The following FANCD2OS variants were observed in gnomAD, a reference collection of about 807,000 sequenced individuals.
FANCD2OS encodes FANCD2 opposite strand protein.
Under a neutral mutation model 13.2 loss-of-function variants are expected in FANCD2OS, and 11 were observed. The observed-to-expected ratio is 0.83, with a 90% CI of 0.52 to 1.38. FANCD2OS has a LOEUF of 1.38. FANCD2OS is among the 40% of genes most tolerant of loss of function. The pLI is 0.00. For missense variants in FANCD2OS, 217 were observed against 213.9 expected (o/e 1.01, Z -0.09); for synonymous variants, 69 against 84.5 (o/e 0.82, Z 1.01).
chr3:10,093,866 C>T (rs1694798726), intron 2 of FANCD2OS, among the ~76,000 whole-genome samples: 1 of 152,314 alleles, frequency 6.6e-6, no homozygotes, highest in East Asian at 1.9e-4. Flanking sequence ...CTTTTTACTC[C>T]ACCCTTGCGC....
chr3:10,105,775 T>TAC (rs1695474132), intron 1 of FANCD2OS, among the ~76,000 whole-genome samples: 1 of 10,258 alleles, frequency 9.7e-5, no homozygotes, highest in Non-Finnish European at 1.6e-4. Context: ...AAAAAAATTA[T>TAC]ATATATATAT....
chr3:10,107,487 C>T (rs1006092424), intron 1 of FANCD2OS, among the ~76,000 whole-genome samples: 2 of 151,954 alleles, frequency 1.3e-5, no homozygotes, highest in Non-Finnish European at 2.9e-5. Context: ...AGGGTTTCAC[C>T]GTGTTAGCCA....
chr3:10,086,153 C>G (rs544539806), intron 2 of FANCD2OS, among the ~76,000 whole-genome samples: 1 of 152,342 alleles, frequency 6.6e-6, no homozygotes, highest in African/African-American at 2.4e-5. Context: ...CCCATAAACT[C>G]AGCCTTTTCA....
intron 2 of FANCD2OS, among the ~76,000 whole-genome samples, chr3:10,084,104 C>T (rs893616235): frequency 1.3e-5 from 2 of 151,544 alleles, no homozygotes; most frequent in African/African-American, 2.4e-5. Context: ...AGCGATTCTT[C>T]TGCCTCAGCC....
downstream of FANCD2OS, among the ~76,000 whole-genome samples, chr3:10,103,383 CAA>C (rs1208563629): frequency 1.3e-5 from 2 of 152,080 alleles, no homozygotes; most frequent in Non-Finnish European, 2.9e-5. Context: ...GCCTGGGCAA[CAA>C]GAGCAAAACT....
rs1694190701 is a variant in FANCD2OS at position 10,086,202 on chromosome 3, T to C, written c.*44-4671A>G. On this transcript the variant is annotated intron_variant, in intron 2 of 2. Transcript: ENST00000524279. ...AAAACATTGACCATCTGTAATCAAC[T>C]CTTGATTATCCAGGGACCTACTGTC... Among the ~76,000 whole-genome samples, 3 of 152,320 alleles carry C rather than the reference T, an allele frequency of 2.0e-5. No homozygotes were observed. The South Asian group carries it at 6.2e-4, about 32-fold the overall frequency.
intron 2 of FANCD2OS, chr3:10,088,868 G>A (rs1694404441): frequency 1.2e-6 from 2 of 1,613,944 alleles, no homozygotes; most frequent in Non-Finnish European, 1.7e-6. Context: ...GAAGGCCATA[G>A]AGGAGATTGC....
At chr3:10,092,141 G>T in intron 2 of FANCD2OS, 1 of 1,307,232 alleles carries the variant, frequency 7.6e-7, no homozygotes, top group Non-Finnish European at 1.1e-6. Flanking sequence ...GGAAGTATTT[G>T]GCTGTGACTC....
At chr3:10,084,935 A>G (rs1694088749) in intron 2 of FANCD2OS, among the ~76,000 whole-genome samples, 1 of 143,696 alleles carries the variant, frequency 7.0e-6, no homozygotes, top group Non-Finnish European at 1.5e-5. Context: ...GGATGCAAAA[A>G]AGAACACTCA....
At chr3:10,096,704 A>G (rs2125096175) in intron 2 of FANCD2OS, among the ~76,000 whole-genome samples, 1 of 152,310 alleles carries the variant, frequency 6.6e-6, no homozygotes, top group South Asian at 2.1e-4. Flanking sequence ...TGATATAAAC[A>G]ATGCCTCAGA....
downstream of FANCD2OS, among the ~76,000 whole-genome samples, chr3:10,100,768 A>G (rs6792811): frequency 0.66 from 100,922 of 152,068 alleles, 35,642 homozygotes; most frequent in African/African-American, 0.9. Context: ...ACCATAGCTT[A>G]TTTAAAATTA....
At chr3:10,107,127 GTGCT>G (rs1359052197) in intron 1 of FANCD2OS, among the ~76,000 whole-genome samples, 1 of 152,152 alleles carries the variant, frequency 6.6e-6, no homozygotes, top group Non-Finnish European at 1.5e-5. Context: ...AAGGCTTCTG[GTGCT>G]TGATATCTTG....
chr3:10,088,404 G>A, intron 2 of FANCD2OS: 1 of 1,158,640 alleles, frequency 8.6e-7, no homozygotes, highest in South Asian at 1.2e-5. Flanking sequence ...CAAGAATGAG[G>A]TCAAGTTCCC....
chr3:10,096,136 C>G (rs779538475), intron 2 of FANCD2OS, among the ~76,000 whole-genome samples: 1 of 152,122 alleles, frequency 6.6e-6, no homozygotes, highest in Admixed American at 6.5e-5. Context: ...GGTATGTCTT[C>G]TAGGCTTTGA....
In FANCD2OS at chr3:10,091,610, C is replaced by A. The variant is rs34758446; in HGVS notation, c.*44-10079G>T. On this transcript the variant is annotated intron_variant, in intron 2 of 2. Coordinates refer to the FANCD2OS transcript ENST00000524279. ...ACAGTATCTCAAACAGGCTGGCTTACCTCATGCCAGTTAGCAGGAGGCAAA... is the reference window on the plus strand; with the variant it reads ...ACAGTATCTCAAACAGGCTGGCTTAACTCATGCCAGTTAGCAGGAGGCAAA... Among the ~76,000 whole-genome samples, 212 of 152,056 alleles carry A rather than the reference C, an allele frequency of 1.4e-3. 5 individuals are homozygous for A. The South Asian group carries it at 0.026, about 19-fold the overall frequency.
chr3:10,087,177 A>G (rs765208098), intron 2 of FANCD2OS: 24 of 1,613,582 alleles, frequency 1.5e-5, no homozygotes, highest in African/African-American at 2.7e-5. Flanking sequence ...AAGCATTCCC[A>G]GTTTCCAGTG....
downstream of FANCD2OS, among the ~76,000 whole-genome samples, chr3:10,102,100 A>T (rs1260299644): frequency 1.3e-5 from 2 of 150,704 alleles, no homozygotes; most frequent in South Asian, 2.1e-4. Flanking sequence ...GATGAGATAT[A>T]TCTGATCTTT....
chr3:10,088,971 A>G (rs768916596), intron 2 of FANCD2OS: 97 of 1,613,450 alleles, frequency 6.0e-5, no homozygotes, highest in Non-Finnish European at 7.8e-5. Context: ...TCTTTCCTCC[A>G]GTTTTTCCCT....
At chr3:10,085,540 C>T (rs1451447226) in intron 2 of FANCD2OS, among the ~76,000 whole-genome samples, 4 of 151,834 alleles carry the variant, frequency 2.6e-5, no homozygotes, top group South Asian at 2.1e-4. Flanking sequence ...TACAGGTGCC[C>T]GCCACCACAC....
Sources: allele counts gnomAD v4.1 joint callset (sites outside exome capture counted in the v4.1 genomes callset), GRCh38; gene constraint gnomAD v4.1.1; transcripts MANE v1.5; gene names NCBI Gene and HGNC (gene_info 2026-07-23, HGNC 2026-07-21).